GALNT17: variants seen among roughly 807,000 people sequenced by gnomAD.
The protein encoded by GALNT17 is UDP-GalNAc:polypeptide N-acetylgalactosaminyltransferase-like 3.
In GALNT17, 29 loss-of-function variants were observed where a neutral mutation model predicts 63.7. The observed-to-expected ratio is 0.46, with a 90% CI of 0.34 to 0.62. The LOEUF (loss-of-function observed/expected upper bound fraction) is 0.62. Ranked by LOEUF, GALNT17 falls within the 20% of genes least tolerant of loss-of-function variation. The pLI, the probability that GALNT17 is intolerant of heterozygous loss-of-function variation, is 0.01. For synonymous variants in GALNT17, 305 were observed against 318.3 expected, an observed-to-expected ratio of 0.96 and a Z score of 0.45; for missense variants, 603 against 799.6, an observed-to-expected ratio of 0.75 and a Z score of 2.97.
In GALNT17 at chr7:71,388,336, C is replaced by T. The variant is rs759867198; in HGVS notation, c.524C>T (p.Ala175Val). Residue 175 changes from alanine to valine, a missense_variant, in exon 3 of 11, where the codon GCC becomes GTC. Around this residue, in one of 3 missense-constraint regions of GALNT17, gnomAD observed 336 missense variants for 507.8 expected, o/e 0.66. Coordinates refer to ENST00000333538, the MANE Select transcript of GALNT17 (RefSeq NM_022479.3). The stretch of plus-strand genomic sequence containing the variant: ...GTGATCCTGCGGTCCGTGCACAGTG[C>T]CGTCAATCACACGCCCACACACCTG... The part of the protein sequence containing the change: ...LSVILRSVHS[A>V]VNHTPTHLLK... 17 of 1,613,886 alleles carry T rather than the reference C, an allele frequency of 1.1e-5. No homozygotes were observed. Among genetic ancestry groups the T allele is most frequent in the Non-Finnish European group, 1.4e-5 (17 of 1,179,994 alleles).
intron 3 of GALNT17, among the ~76,000 whole-genome samples, chr7:71,403,484 C>T (rs538925003): frequency 1.3e-5 from 2 of 152,290 alleles, no homozygotes; most frequent in East Asian, 1.9e-4. Context: ...CGATAGTCTC[C>T]GCTAGCTAGA....
At chr7:71,142,274 G>T (rs1395600645) in intron 1 of GALNT17, among the ~76,000 whole-genome samples, 2 of 152,194 alleles carry the variant, frequency 1.3e-5, no homozygotes, top group East Asian at 3.9e-4. Context: ...GGTGAGAGGG[G>T]GTCCTTTTCC....
At chr7:71,677,728 G>A (rs2117068073) in intron 9 of GALNT17, among the ~76,000 whole-genome samples, 1 of 152,008 alleles carries the variant, frequency 6.6e-6, no homozygotes. Flanking sequence ...TGTCAGCCAG[G>A]ATGGTCTTCA....
intron 1 of GALNT17, among the ~76,000 whole-genome samples, chr7:71,180,828 C>T (rs1788721109): frequency 6.6e-6 from 1 of 152,090 alleles, no homozygotes; most frequent in Admixed American, 6.5e-5. Flanking sequence ...AAGGGAAGGG[C>T]TTGGGGAAGA....
intron 1 of GALNT17, among the ~76,000 whole-genome samples, chr7:71,154,219 A>G (rs916353550): frequency 7.6e-6 from 1 of 132,002 alleles, no homozygotes; most frequent in Non-Finnish European, 1.7e-5. Context: ...GTGGAGAGAG[A>G]GAGAGAAAGA....
intron 5 of GALNT17, among the ~76,000 whole-genome samples, chr7:71,449,764 G>A (rs930281907): frequency 1.2e-3 from 180 of 151,872 alleles, no homozygotes; most frequent in African/African-American, 4.0e-3. Flanking sequence ...TTGTCTAACC[G>A]GGCGCGGTGG....
At chr7:71,133,100 C>A in intron 1 of GALNT17, 60 bp downstream of exon 1, 1 of 1,380,164 alleles carries the variant, frequency 7.2e-7, no homozygotes, top group East Asian at 2.6e-5. Context: ...ACAGGGTGAG[C>A]CCCAGGGTCC....
chr7:71,618,252 G>A (rs981919860), intron 6 of GALNT17, among the ~76,000 whole-genome samples: 6 of 152,098 alleles, frequency 3.9e-5, no homozygotes, highest in African/African-American at 1.4e-4. Context: ...CTTTGCTATT[G>A]TGAATAGTGC....
intron 5 of GALNT17, among the ~76,000 whole-genome samples, chr7:71,541,801 GA>G (rs1409561321): frequency 6.6e-6 from 1 of 152,010 alleles, no homozygotes; most frequent in East Asian, 1.9e-4. Context: ...CGTCTAAAAT[GA>G]AAAAGGAAAG....
chr7:71,210,153 C>A (rs1012900825), intron 1 of GALNT17, among the ~76,000 whole-genome samples: 1 of 152,066 alleles, frequency 6.6e-6, no homozygotes, highest in African/African-American at 2.4e-5. Context: ...GAACTCCTGA[C>A]CTTAGGTGAT....
chr7:71,236,683 C>T (rs192636227), intron 1 of GALNT17, among the ~76,000 whole-genome samples: 21 of 152,284 alleles, frequency 1.4e-4, no homozygotes, highest in African/African-American at 4.6e-4. Context: ...CTGATGCAAC[C>T]GAACAATAGC....
At chr7:71,614,872 CAGGGAGGGAAGGGAGGG>C (rs1215906282) in intron 6 of GALNT17, among the ~76,000 whole-genome samples, 1 of 97,084 alleles carries the variant, frequency 1.0e-5, no homozygotes, top group East Asian at 3.7e-4. Context: ...AACAAAGAAA[CAGGGAGGGAAGGGAGGG>C]AGGGAGGGAG....
chr7:71,413,641 G>T (rs184939808), intron 3 of GALNT17, among the ~76,000 whole-genome samples: 1 of 151,494 alleles, frequency 6.6e-6, no homozygotes, highest in African/African-American at 2.4e-5. Flanking sequence ...CCCAAAGTGC[G>T]CCTTCCTATA....
chr7:71,192,347 A>T (rs938355212), intron 1 of GALNT17, among the ~76,000 whole-genome samples: 4 of 151,964 alleles, frequency 2.6e-5, no homozygotes, highest in Admixed American at 2.6e-4. Flanking sequence ...CTTCAATCCA[A>T]TTAAGTTGAC....
At chr7:71,463,727 C>T (rs1400566023) in intron 5 of GALNT17, among the ~76,000 whole-genome samples, 2 of 152,166 alleles carry the variant, frequency 1.3e-5, no homozygotes, top group African/African-American at 4.8e-5. Context: ...CATAGGGTAA[C>T]TTCCGGGCAT....
chr7:71,640,977 G>A (rs1002815598), intron 6 of GALNT17, among the ~76,000 whole-genome samples: 5 of 152,198 alleles, frequency 3.3e-5, no homozygotes, highest in African/African-American at 1.2e-4. Flanking sequence ...TTCCCTAACT[G>A]TGATAAAATG....
chr7:71,709,074 C>A (rs1460610380), intron 9 of GALNT17, among the ~76,000 whole-genome samples: 1 of 152,114 alleles, frequency 6.6e-6, no homozygotes, highest in Non-Finnish European at 1.5e-5. Flanking sequence ...TGGGTAGATA[C>A]CCAGTAATAG....
At chr7:71,494,441 GT>G (rs1490613565) in intron 5 of GALNT17, among the ~76,000 whole-genome samples, 2 of 152,086 alleles carry the variant, frequency 1.3e-5, no homozygotes, top group African/African-American at 4.8e-5. Flanking sequence ...AACCTCTGTG[GT>G]TCATACGATC....
chr7:71,244,813 G>T (rs1036816514), intron 1 of GALNT17, among the ~76,000 whole-genome samples: 3 of 152,064 alleles, frequency 2.0e-5, no homozygotes, highest in African/African-American at 7.2e-5. Context: ...AACTGGGCAT[G>T]GTGGTGCACA....
Sources: gnomAD v4.1 joint callset for allele counts (sites outside exome capture counted in the v4.1 genomes callset) on GRCh38, gnomAD v4.1.1 for gene constraint, gnomAD v4.1.1 regional missense constraint, MANE v1.5 for transcripts, NCBI Gene and HGNC (gene_info 2026-07-23, HGNC 2026-07-21) for gene names.